SPATA31E1: variants seen among roughly 807,000 people sequenced by gnomAD.
SPATA31E1 encodes the protein spermatogenesis-associated protein 31E1.
A neutral mutation model predicts 12.9 loss-of-function variants in SPATA31E1; 7 were observed. The ratio of observed to expected loss-of-function variants is 0.54; its 90% CI spans 0.31 to 1.02. The LOEUF is 1.02. Among genes scored for constraint, SPATA31E1 ranks in the 50% least tolerant of loss-of-function variants. The probability of loss-of-function intolerance (pLI) is 0.05; values close to 1 mark genes in which losing one functional copy is unlikely to be tolerated. For missense variants in SPATA31E1, 1,961 were observed against 1,799.8 expected (o/e 1.09, Z -1.62); for synonymous variants, 771 against 719.0 (o/e 1.07, Z -1.16).
chr9:87,883,827 C>G (rs1023917705), intron 1 of SPATA31E1, among the ~76,000 whole-genome samples, 165 bp from the exon 2 acceptor site: 2 of 152,240 alleles, frequency 1.3e-5, no homozygotes, highest in Non-Finnish European at 2.9e-5. Context: ...AGAAGGAAAA[C>G]AGAAAACATT....
intron 1 of SPATA31E1, 53 bp downstream of exon 1, chr9:87,883,253 C>T (rs1828201591): frequency 6.6e-7 from 1 of 1,518,854 alleles, no homozygotes; most frequent in Admixed American, 2.0e-5. Flanking sequence ...TTCTTTTCCT[C>T]CCCTCATTTC....
In SPATA31E1 at chr9:87,886,257, T is replaced by C; in HGVS notation, c.1770T>C (p.Ala590=). Reference sequence around the variant, plus strand: ...CCTCTCTCCTCAAAAAGTCTCAGGCTGTTCTGAGCCAGCCCACTGCCCACC... The same window carrying C: ...CCTCTCTCCTCAAAAAGTCTCAGGCCGTTCTGAGCCAGCCCACTGCCCACC... ...VLPSLLKKSQ[A]VLSQPTAHLP... is the part of the protein sequence containing the mutation. Residue 590 remains alanine, a synonymous_variant, in exon 4 of 4, where the codon GCT becomes GCC. Transcript: ENST00000325643. 6.2e-7 allele frequency: 1 copy of C among 1,613,902 alleles called. No individual in the cohort carries two copies. The highest frequency in any genetic ancestry group is 1.1e-5 in the South Asian group (1 of 91,070).
At chr9:87,883,476 C>A (rs1011718799) in intron 1 of SPATA31E1, among the ~76,000 whole-genome samples, 4 of 152,152 alleles carry the variant, frequency 2.6e-5, no homozygotes, top group Non-Finnish European at 4.4e-5. Context: ...GGAGGAGAGG[C>A]CCCAGCCCTG....
Position 87,885,241 on chromosome 9 carries a change from C to CT in SPATA31E1, c.755dup (p.Ala253GlyfsTer108), listed in dbSNP as rs878993202. 6.2e-7 allele frequency: 1 copy of CT among 1,614,130 alleles called. No individual in the cohort carries two copies. The highest frequency in any genetic ancestry group is 1.1e-5 in the South Asian group (1 of 91,078). The stretch of plus-strand genomic sequence containing the variant: ...TCCTTCACCACAGCCGCATGGTCCC[C>CT]TGGCCTCCTCTCCACCTCCACCCGA... On this transcript the variant is annotated frameshift_variant, in exon 4 of 4. Coordinates refer to ENST00000325643, the MANE Select transcript of SPATA31E1 (RefSeq NM_178828.5). LOFTEE classifies it low-confidence loss of function (END_TRUNC).
In SPATA31E1 at chr9:87,887,866, G is replaced by A. The variant is rs1192194072; in HGVS notation, c.3379G>A (p.Gly1127Ser). 3 of 1,613,834 alleles carry A rather than the reference G, an allele frequency of 1.9e-6. No homozygotes were observed. The highest frequency in any genetic ancestry group is 4.5e-5 in the East Asian group (2 of 44,870). Residue 1127 changes from glycine to serine, a missense_variant, in exon 4 of 4, where the codon GGC (glycine) becomes AGC (serine). Physicochemically the swap from Gly to Ser is moderately conservative, Grantham distance 56. Transcript: ENST00000325643. ...PGILLQDGAT[G>S]LCLPGRHMDM... ...CATCCTCCTCCAGGACGGCGCCACA[G>A]GCCTGTGCCTTCCAGGCCGCCACAT...
In SPATA31E1 at chr9:87,888,221, G is replaced by A. The variant is rs775029941; in HGVS notation, c.3734G>A (p.Arg1245Lys). ...QAREIGDKQE[R>K]KYNQLQLEKG... ...AGGGAAATAGGAGACAAACAAGAAA[G>A]GAAATACAACCAGCTTCAGCTGGAG... Residue 1245 changes from arginine to lysine, a missense_variant, in exon 4 of 4, where the codon AGG (arginine) becomes AAG (lysine). Arg to Lys is a conservative substitution (Grantham distance 26). Transcript: ENST00000325643. 6.2e-6 allele frequency: 10 copies of A among 1,614,030 alleles called. No homozygotes were observed. The Middle Eastern group carries it at 6.6e-4, about 107-fold the overall frequency.
rs1384409895 is a variant in SPATA31E1 at position 87,886,726 on chromosome 9, C to G, written c.2239C>G (p.Gln747Glu). Residue 747 changes from glutamine (Q) to glutamate (E), a missense_variant, in exon 4 of 4, where the codon CAA becomes GAA. Gln to Glu is a conservative substitution (Grantham distance 29, BLOSUM62 2). Transcript: ENST00000325643. ...EGDLRRSWKYQSVSSTPRDPD... is the reference protein window; with the variant it reads ...EGDLRRSWKYESVSSTPRDPD... ...TGACTTACGGAGGTCCTGGAAGTAC[C>G]AATCAGTAAGTTCCACACCCAGGGA... 3.7e-6 allele frequency: 6 copies of G among 1,613,910 alleles called. No homozygotes were observed. Among genetic ancestry groups the G allele is most frequent in the Non-Finnish European group, 5.1e-6 (6 of 1,180,024 alleles).
Position 87,887,282 on chromosome 9 carries a change from G to T in SPATA31E1, c.2795G>T (p.Arg932Met). 6.2e-7 allele frequency: 1 copy of T among 1,613,926 alleles called. No individual in the cohort carries two copies. Among genetic ancestry groups the T allele is most frequent in the Non-Finnish European group, 8.5e-7 (1 of 1,180,020 alleles). ...CCGCCTGAGCAGGAGGGAGTCCAGA[G>T]GCCCCCGAGAGGGTCCCAGTCAGCT... ...APPPEQEGVQ[R>M]PPRGSQSADT... Residue 932 changes from arginine (R) to methionine (M), a missense_variant, in exon 4 of 4, where the codon AGG becomes ATG. Physicochemically the swap from Arg to Met is moderately conservative, Grantham distance 91 (BLOSUM62 -1). Coordinates refer to ENST00000325643, the MANE Select transcript of SPATA31E1 (RefSeq NM_178828.5).
At position 87,887,955 on chromosome 9, in the gene SPATA31E1, G is replaced by A; in HGVS notation, c.3468G>A (p.Val1156=). ...TQAPLSTSQS[V]SGKNMTASQG... ...CCCCTCTGTCCACCTCCCAGAGTGTGTCTGGTAAGAACATGACAGCTTCCC... is the reference window on the plus strand; with the variant it reads ...CCCCTCTGTCCACCTCCCAGAGTGTATCTGGTAAGAACATGACAGCTTCCC... The change falls in exon 4 of 4, where the codon GTG becomes GTA. Residue 1156 remains valine, a synonymous_variant. Coordinates refer to ENST00000325643, the MANE Select transcript of SPATA31E1 (RefSeq NM_178828.5). 6.2e-7 allele frequency: 1 copy of A among 1,613,888 alleles called. No homozygotes were observed. The highest frequency in any genetic ancestry group is 8.5e-7 in the Non-Finnish European group (1 of 1,180,038).
chr9:87,884,086 T>C (rs1259609964), intron 2 of SPATA31E1, 40 bp downstream of exon 2: 2 of 1,568,276 alleles, frequency 1.3e-6, no homozygotes, highest in Non-Finnish European at 8.7e-7. Flanking sequence ...CAGAGGTAAC[T>C]GAGCTTTGCC....
intron 3 of SPATA31E1, 39 bp downstream of exon 3, chr9:87,884,690 AC>A (rs1300598575): frequency 6.2e-7 from 1 of 1,610,720 alleles, no homozygotes; most frequent in East Asian, 2.2e-5. Flanking sequence ...CCTCCTTCCT[AC>A]CAGGGCCTCT....
At chr9:87,884,773 C>A (rs1015210442) in intron 3 of SPATA31E1, 122 bp downstream of exon 3, 2 of 1,497,712 alleles carry the variant, frequency 1.3e-6, no homozygotes, top group South Asian at 1.2e-5. Flanking sequence ...GGGACTGAAG[C>A]CCTGGGGCAG....
In SPATA31E1 at chr9:87,887,492, A is replaced by G. The variant is rs775565352; in HGVS notation, c.3005A>G (p.Glu1002Gly). ...ATGGCTGGGAACGAGGCATGGCTTG[A>G]GAGTGAGAGCATGTCCCCAGGAGAC... ...SEMAGNEAWL[E>G]SESMSPGDPC... is the part of the protein sequence containing the mutation. The change falls in exon 4 of 4, where the codon GAG becomes GGG. Residue 1002 changes from glutamate (E) to glycine (G), a missense_variant. Physicochemically the swap from Glu to Gly is moderately conservative, Grantham distance 98. Coordinates refer to ENST00000325643, the MANE Select transcript of SPATA31E1 (RefSeq NM_178828.5). 6.2e-7 allele frequency: 1 copy of G among 1,613,878 alleles called. No individual in the cohort carries two copies. The highest frequency in any genetic ancestry group is 1.1e-5 in the South Asian group (1 of 91,076).
In SPATA31E1 at chr9:87,885,894, A is replaced by G; in HGVS notation, c.1407A>G (p.Val469=). The G allele has an allele frequency of 6.2e-7, 1 of 1,613,994 alleles. No homozygotes were observed. The change falls in exon 4 of 4, where the codon GTA becomes GTG. Residue 469 remains valine, a synonymous_variant. Transcript: ENST00000325643. ...RNPSSQNAHS[V]PLDKASTSLP... The stretch of plus-strand genomic sequence containing the variant: ...CTTCCTCACAGAATGCACACTCTGT[A>G]CCACTGGATAAAGCCTCCACTTCTC...
chr9:87,887,419 G>C lies in SPATA31E1; in HGVS notation c.2932G>C (p.Glu978Gln), dbSNP rs775192468. ...GRTWQSRTVL[E>Q]SGKPKPRLEG... ...AACCTGGCAGAGCAGGACTGTCCTG[G>C]AATCCGGGAAACCCAAACCCAGACT... is the stretch of plus-strand genomic sequence containing the variant. The change falls in exon 4 of 4, where the codon GAA becomes CAA. Residue 978 changes from glutamate to glutamine, a missense_variant. Glu to Gln is a conservative substitution (Grantham distance 29). Transcript: ENST00000325643. 6.2e-7 allele frequency: 1 copy of C among 1,613,838 alleles called. No individual in the cohort carries two copies. Among genetic ancestry groups the C allele is most frequent in the Non-Finnish European group, 8.5e-7 (1 of 1,180,032 alleles).
In SPATA31E1 at chr9:87,887,326, G is replaced by C; in HGVS notation, c.2839G>C (p.Glu947Gln). ...SQSADTHGRS[E>Q]AFPTGHKGRG... ...GTCAGCTGATACCCATGGGCGATCA[G>C]AGGCCTTTCCGACTGGACACAAGGG... is the stretch of plus-strand genomic sequence containing the variant. The change falls in exon 4 of 4, where the codon GAG becomes CAG. Residue 947 changes from glutamate to glutamine, a missense_variant. Physicochemically the swap from Glu to Gln is conservative, Grantham distance 29 (BLOSUM62 2). Coordinates refer to ENST00000325643, the MANE Select transcript of SPATA31E1 (RefSeq NM_178828.5). The C allele has an allele frequency of 6.2e-7, 1 of 1,613,842 alleles. No individual in the cohort carries two copies. Among genetic ancestry groups the C allele is most frequent in the Non-Finnish European group, 8.5e-7 (1 of 1,180,038 alleles).
At position 87,887,767 on chromosome 9, in the gene SPATA31E1, G is replaced by A. The variant is rs1828310082; in HGVS notation, c.3280G>A (p.Ala1094Thr). 1 of 1,614,010 alleles carries A rather than the reference G, an allele frequency of 6.2e-7. No individual in the cohort carries two copies. The highest frequency in any genetic ancestry group is 8.5e-7 in the Non-Finnish European group (1 of 1,180,016). Residue 1094 changes from alanine (A) to threonine (T), a missense_variant, in exon 4 of 4, where the codon GCG becomes ACG. Ala to Thr is a moderately conservative substitution (Grantham distance 58). Transcript: ENST00000325643. Reference protein sequence around the residue: ...AQDPEQLHLKAQVVSEIALIV... With the variant: ...AQDPEQLHLKTQVVSEIALIV... ...GGATCCAGAGCAGCTGCACCTGAAA[G>A]CGCAGGTGGTCAGTGAGATTGCGCT...
At chr9:87,883,821 G>A (rs994694192) in intron 1 of SPATA31E1, among the ~76,000 whole-genome samples, 171 bp from the exon 2 acceptor site, 1 of 152,226 alleles carries the variant, frequency 6.6e-6, no homozygotes, top group African/African-American at 2.4e-5. Context: ...TCCCTAAGAA[G>A]GAAAACAGAA....
Position 87,887,026 on chromosome 9 carries a change from A to C in SPATA31E1, c.2539A>C (p.Ser847Arg). 1 of 1,614,130 alleles carries C rather than the reference A, an allele frequency of 6.2e-7. No individual in the cohort carries two copies. The highest frequency in any genetic ancestry group is 8.5e-7 in the Non-Finnish European group (1 of 1,180,030). The change falls in exon 4 of 4, where the codon AGC (serine) becomes CGC (arginine). Residue 847 changes from serine to arginine, a missense_variant. Transcript: ENST00000325643. ...TCTTGTAAGGTTCTGTGTGAGGCACAGCTGGGGTACAGACCTCCAGTCCCT... is the reference window on the plus strand; with the variant it reads ...TCTTGTAAGGTTCTGTGTGAGGCACCGCTGGGGTACAGACCTCCAGTCCCT... ...VHLVRFCVRHSWGTDLQSLEP... is the reference protein window; with the variant it reads ...VHLVRFCVRHRWGTDLQSLEP...
Sources: allele counts gnomAD v4.1 joint callset (sites outside exome capture counted in the v4.1 genomes callset), GRCh38; gene constraint gnomAD v4.1.1; transcripts MANE v1.5; gene names NCBI Gene and HGNC (gene_info 2026-07-23, HGNC 2026-07-21).